The following IQCM variants were observed in gnomAD, a reference collection of about 807,000 sequenced individuals.
IQCM encodes the protein IQ domain-containing protein M.
IQCM carries 45 observed loss-of-function variants against 57.6 expected under a neutral mutation model. The observed-to-expected ratio is 0.78, with a 90% CI of 0.62 to 1.00. The LOEUF (loss-of-function observed/expected upper bound fraction) is 1.00, where lower values mean the gene tolerates loss of function less well. Among genes scored for constraint, IQCM ranks in the 50% least tolerant of loss-of-function variants. IQCM has a pLI of 0.00. For synonymous variants in IQCM, 148 were observed against 158.9 expected (o/e 0.93, Z 0.51); for missense variants, 468 against 511.6 (o/e 0.91, Z 0.82).
intron 7 of IQCM, among the ~76,000 whole-genome samples, chr4:149,622,504 G>A (rs1756437469): frequency 6.6e-6 from 1 of 151,900 alleles, no homozygotes. Flanking sequence ...CTCCACGCCC[G>A]GCTAATTTTT....
chr4:149,524,226 A>G (rs1745939484), intron 12 of IQCM, among the ~76,000 whole-genome samples: 1 of 152,100 alleles, frequency 6.6e-6, no homozygotes, highest in Non-Finnish European at 1.5e-5. Context: ...ATACAAGTCA[A>G]TTTGGTGGTT....
intron 8 of IQCM, among the ~76,000 whole-genome samples, chr4:149,590,466 T>C (rs1038770670): frequency 2.0e-5 from 3 of 151,928 alleles, no homozygotes; most frequent in Admixed American, 6.6e-5. Context: ...TTTTTTATTA[T>C]TATACTTTAA....
intron 12 of IQCM, among the ~76,000 whole-genome samples, chr4:149,510,036 G>A (rs899028292): frequency 1.3e-5 from 2 of 152,042 alleles, no homozygotes; most frequent in Non-Finnish European, 2.9e-5. Context: ...GAAAATGTAT[G>A]CATATTATAT....
At chr4:149,631,612 A>G (rs2150094417) in intron 7 of IQCM, among the ~76,000 whole-genome samples, 1 of 152,296 alleles carries the variant, frequency 6.6e-6, no homozygotes, top group African/African-American at 2.4e-5. Flanking sequence ...AAAAAAATCC[A>G]TAAACCAAAA....
chr4:149,400,071 T>C (rs1330810266), intron 13 of IQCM, among the ~76,000 whole-genome samples: 1 of 152,104 alleles, frequency 6.6e-6, no homozygotes, highest in African/African-American at 2.4e-5. Flanking sequence ...TTATGTTTTT[T>C]AACTTTAGAA....
chr4:149,565,020 C>T (rs1750480799), intron 9 of IQCM, among the ~76,000 whole-genome samples: 2 of 152,058 alleles, frequency 1.3e-5, no homozygotes, highest in South Asian at 4.2e-4. Flanking sequence ...TCAAAGTCTT[C>T]CAAAGTCCAA....
chr4:149,480,968 A>G (rs913888366), intron 12 of IQCM, among the ~76,000 whole-genome samples: 13 of 152,148 alleles, frequency 8.5e-5, no homozygotes, highest in African/African-American at 3.1e-4. Flanking sequence ...GTGAGACGAT[A>G]TCTCATTGCA....
At chr4:149,532,161 T>C (rs1746814106) in intron 12 of IQCM, among the ~76,000 whole-genome samples, 1 of 152,134 alleles carries the variant, frequency 6.6e-6, no homozygotes. Context: ...TGTTCCTGTA[T>C]AGATACAGTC....
At chr4:149,444,606 G>T (rs1736304528) in intron 12 of IQCM, among the ~76,000 whole-genome samples, 1 of 151,524 alleles carries the variant, frequency 6.6e-6, no homozygotes, top group Non-Finnish European at 1.5e-5. Flanking sequence ...AAAGGATAAA[G>T]AAAATTGGAG....
intron 13 of IQCM, among the ~76,000 whole-genome samples, chr4:149,416,932 T>C (rs1025511570): frequency 6.6e-6 from 1 of 152,036 alleles, no homozygotes; most frequent in African/African-American, 2.4e-5. Flanking sequence ...GATAATGAGG[T>C]TCACTGCTAT....
intron 13 of IQCM, among the ~76,000 whole-genome samples, chr4:149,362,325 T>G (rs1204542894): frequency 6.6e-6 from 1 of 152,068 alleles, no homozygotes; most frequent in Non-Finnish European, 1.5e-5. Context: ...ATGATTGATT[T>G]TTGAAATATG....
intron 13 of IQCM, among the ~76,000 whole-genome samples, chr4:149,402,455 T>C (rs1163996772): frequency 6.6e-6 from 1 of 151,810 alleles, no homozygotes; most frequent in African/African-American, 2.4e-5. Flanking sequence ...GTTCTGAAAC[T>C]GTGTTTTCAA....
At chr4:149,528,894 C>A (rs908240785) in intron 12 of IQCM, among the ~76,000 whole-genome samples, 1 of 151,846 alleles carries the variant, frequency 6.6e-6, no homozygotes, top group African/African-American at 2.4e-5. Context: ...ATTTTTTTTG[C>A]ATAAGAAGTA....
intron 12 of IQCM, among the ~76,000 whole-genome samples, chr4:149,467,220 CA>C (rs1461420696): frequency 2.0e-5 from 3 of 152,112 alleles, no homozygotes. Context: ...TAGATGCCTA[CA>C]AAAATCTCTT....
At chr4:149,414,754 GCAA>G (rs2111189759) in intron 13 of IQCM, among the ~76,000 whole-genome samples, 1 of 151,748 alleles carries the variant, frequency 6.6e-6, no homozygotes, top group Admixed American at 6.6e-5. Flanking sequence ...TCTCCTTCTA[GCAA>G]CAATATACCT....
At chr4:149,531,745 T>G (rs1172385862) in intron 12 of IQCM, among the ~76,000 whole-genome samples, 1 of 152,134 alleles carries the variant, frequency 6.6e-6, no homozygotes, top group Non-Finnish European at 1.5e-5. Flanking sequence ...CTAGCACAAC[T>G]GAGCCCCTCA....
At chr4:149,726,127 G>GAAAGAAAGAAAGAAAGAAAGAAAGA (rs1561203900) in intron 5 of IQCM, among the ~76,000 whole-genome samples, 1 of 142,176 alleles carries the variant, frequency 7.0e-6, no homozygotes, top group African/African-American at 2.6e-5. Context: ...AAGAAAGAAA[G>GAAAGAAAGAAAGAAAGAAAGAAAGA]AAAGAAAGAA....
chr4:149,661,131 T>C (rs1219220656), intron 7 of IQCM, among the ~76,000 whole-genome samples: 2 of 152,148 alleles, frequency 1.3e-5, no homozygotes, highest in African/African-American at 4.8e-5. Flanking sequence ...GGTACATATC[T>C]TCTATACTTA....
At chr4:149,642,545 C>T (rs1165513982) in intron 7 of IQCM, among the ~76,000 whole-genome samples, 1 of 152,178 alleles carries the variant, frequency 6.6e-6, no homozygotes, top group African/African-American at 2.4e-5. Flanking sequence ...GTGATCCCAA[C>T]TGTTATTGCC....
Sources: allele counts gnomAD v4.1 joint callset (sites outside exome capture counted in the v4.1 genomes callset), GRCh38; gene constraint gnomAD v4.1.1; transcripts MANE v1.5; gene names NCBI Gene and HGNC (gene_info 2026-07-23, HGNC 2026-07-21).